Variants in CHSY3 observed in about 807,000 individuals in gnomAD.
The protein encoded by CHSY3 is chondroitin sulfate synthase 3.
A neutral mutation model predicts 67.2 loss-of-function variants in CHSY3; 35 were observed. That is an observed-to-expected ratio of 0.52 (90% CI 0.40 to 0.69). CHSY3 has a LOEUF of 0.69. CHSY3 is among the 30% of genes least tolerant of loss of function. CHSY3 has a pLI of 0.00. For missense variants in CHSY3, 1,069 were observed against 1,138.5 expected (o/e 0.94, Z 0.88); for synonymous variants, 474 against 434.7 (o/e 1.09, Z -1.12).
intron 2 of CHSY3, among the ~76,000 whole-genome samples, chr5:130,126,845 C>G (rs1398734195): frequency 6.6e-6 from 1 of 152,174 alleles, no homozygotes; most frequent in African/African-American, 2.4e-5. Flanking sequence ...TTTATGGTCA[C>G]ATTGTCATTG....
At chr5:129,934,231 A>G (rs1024595340) in intron 2 of CHSY3, among the ~76,000 whole-genome samples, 9 of 152,196 alleles carry the variant, frequency 5.9e-5, no homozygotes, top group Admixed American at 1.3e-4. Context: ...AAAGAATGAG[A>G]TAAAATATAA....
At chr5:129,959,343 G>C (rs909148452) in intron 2 of CHSY3, among the ~76,000 whole-genome samples, 11 of 151,984 alleles carry the variant, frequency 7.2e-5, no homozygotes, top group Non-Finnish European at 1.5e-4. Context: ...TATCCAGAAT[G>C]TTGTTTTTTG....
intron 2 of CHSY3, among the ~76,000 whole-genome samples, chr5:130,010,721 G>A (rs947114766): frequency 2.3e-4 from 35 of 151,978 alleles, no homozygotes; most frequent in African/African-American, 1.5e-4. Flanking sequence ...GAATATATAA[G>A]ATTGATAGAC....
chr5:130,072,891 A>G lies in CHSY3; in HGVS notation c.1087-111338A>G, dbSNP rs113690215. On this transcript the variant is annotated intron_variant, in intron 2 of 2. Transcript: ENST00000305031. Reference sequence around the variant, plus strand: ...TTATGCTAAGTGAAATAAGTCAGGCACAGAAAGACAAACACTTCATGATCT... The same window carrying G: ...TTATGCTAAGTGAAATAAGTCAGGCGCAGAAAGACAAACACTTCATGATCT... Among the ~76,000 whole-genome samples the G allele has an allele frequency of 9.1e-3, 1,393 of 152,302 alleles. 16 individuals are homozygous for G. Among genetic ancestry groups the G allele is most frequent in the African/African-American group, 0.031 (1,291 of 41,562 alleles).
chr5:130,169,175 C>A (rs952453732), intron 2 of CHSY3, among the ~76,000 whole-genome samples: 1 of 152,054 alleles, frequency 6.6e-6, no homozygotes, highest in Non-Finnish European at 1.5e-5. Context: ...ACTGTATACA[C>A]GGCAGTGAAC....
At chr5:130,046,598 C>T (rs1480855942) in intron 2 of CHSY3, among the ~76,000 whole-genome samples, 2 of 152,030 alleles carry the variant, frequency 1.3e-5, no homozygotes, top group African/African-American at 4.8e-5. Flanking sequence ...CTTGAATGAG[C>T]TGACGATCTT....
At chr5:130,018,223 A>G (rs1020775268) in intron 2 of CHSY3, among the ~76,000 whole-genome samples, 3 of 152,122 alleles carry the variant, frequency 2.0e-5, no homozygotes, top group Admixed American at 1.3e-4. Context: ...AAAAAGTCCT[A>G]TTTTTTACAA....
intron 2 of CHSY3, among the ~76,000 whole-genome samples, chr5:129,937,042 G>A (rs930541601): frequency 6.6e-5 from 10 of 152,084 alleles, no homozygotes; most frequent in Non-Finnish European, 1.0e-4. Context: ...TCTCACTCTC[G>A]TTCTCTTTTT....
chr5:130,155,790 G>A (rs1225919073), intron 2 of CHSY3, among the ~76,000 whole-genome samples: 1 of 152,162 alleles, frequency 6.6e-6, no homozygotes, highest in Non-Finnish European at 1.5e-5. Context: ...GCTGAAGAAG[G>A]CCACTGCATA....
intron 2 of CHSY3, among the ~76,000 whole-genome samples, chr5:129,977,876 A>T (rs1762861726): frequency 6.6e-6 from 1 of 152,072 alleles, no homozygotes; most frequent in South Asian, 2.1e-4. Flanking sequence ...AGTAAAAAAA[A>T]AAAAAAACTA....
chr5:129,920,438 AT>A (rs1416359353), intron 2 of CHSY3, among the ~76,000 whole-genome samples: 1 of 152,010 alleles, frequency 6.6e-6, no homozygotes, highest in Admixed American at 6.5e-5. Flanking sequence ...TAGAGATGGG[AT>A]TTTGCCATGT....
chr5:130,175,668 A>G (rs917313393), intron 2 of CHSY3, among the ~76,000 whole-genome samples: 1 of 152,200 alleles, frequency 6.6e-6, no homozygotes, highest in Non-Finnish European at 1.5e-5. Context: ...ATATAGACCA[A>G]TGGAACAGAA....
At chr5:129,977,617 A>T (rs1229536280) in intron 2 of CHSY3, among the ~76,000 whole-genome samples, 1 of 152,140 alleles carries the variant, frequency 6.6e-6, no homozygotes, top group Non-Finnish European at 1.5e-5. Flanking sequence ...GCATTGAACG[A>T]GGTATCCCAT....
At chr5:130,077,968 T>A (rs1361623902) in intron 2 of CHSY3, among the ~76,000 whole-genome samples, 1 of 152,136 alleles carries the variant, frequency 6.6e-6, no homozygotes, top group Non-Finnish European at 1.5e-5. Context: ...AACTAACACC[T>A]ATTGAGCACT....
At chr5:129,962,453 C>G (rs1047293837) in intron 2 of CHSY3, among the ~76,000 whole-genome samples, 1 of 152,012 alleles carries the variant, frequency 6.6e-6, no homozygotes, top group Non-Finnish European at 1.5e-5. Context: ...GCACAAACTT[C>G]CTAATGCATC....
chr5:130,099,177 G>A (rs1339829169), intron 2 of CHSY3, among the ~76,000 whole-genome samples: 1 of 152,210 alleles, frequency 6.6e-6, no homozygotes, highest in Admixed American at 6.5e-5. Flanking sequence ...CCAATTTGAA[G>A]ACTCTCTGCT....
At chr5:130,001,829 G>C in intron 2 of CHSY3, 1 of 848,800 alleles carries the variant, frequency 1.2e-6, no homozygotes, top group Non-Finnish European at 1.4e-6. Flanking sequence ...CTATTTTCCT[G>C]TAACTGACAT....
chr5:130,146,855 G>T (rs572140830), intron 2 of CHSY3, among the ~76,000 whole-genome samples: 12 of 152,072 alleles, frequency 7.9e-5, no homozygotes, highest in African/African-American at 2.9e-4. Flanking sequence ...GTGCAATGGC[G>T]CGATCTTGGC....
At chr5:129,920,654 C>T (rs969348403) in intron 2 of CHSY3, among the ~76,000 whole-genome samples, 20 of 152,252 alleles carry the variant, frequency 1.3e-4, no homozygotes, top group South Asian at 4.1e-4. Flanking sequence ...ATAAATTTAA[C>T]GCCCTTCTGT....
Sources: gnomAD v4.1 joint callset for allele counts (sites outside exome capture counted in the v4.1 genomes callset) on GRCh38, gnomAD v4.1.1 for gene constraint, MANE v1.5 for transcripts, NCBI Gene and HGNC (gene_info 2026-07-23, HGNC 2026-07-21) for gene names.